The following PNPLA8 variants were observed in gnomAD, a reference collection of about 807,000 sequenced individuals.
The protein encoded by PNPLA8 is calcium-independent phospholipase A2-gamma.
A neutral mutation model predicts 76.9 loss-of-function variants in PNPLA8; 39 were observed. The observed-to-expected ratio is 0.51, with a 90% CI of 0.39 to 0.66. The LOEUF (loss-of-function observed/expected upper bound fraction) is 0.66, where lower values mean the gene tolerates loss of function less well. Among genes scored for constraint, PNPLA8 ranks in the 30% least tolerant of loss-of-function variants. PNPLA8 has a pLI of 0.00. For missense variants in PNPLA8, 887 were observed against 918.0 expected (o/e 0.97, Z 0.44); for synonymous variants, 301 against 307.9 (o/e 0.98, Z 0.24).
chr7:108,476,259 C>A (rs186548996), intron 10 of PNPLA8, among the ~76,000 whole-genome samples: 35 of 152,288 alleles, frequency 2.3e-4, no homozygotes, highest in African/African-American at 7.5e-4. Flanking sequence ...TGCAGGTACA[C>A]TGAGGCAACA....
chr7:108,490,065 G>A (rs546782944), intron 8 of PNPLA8, among the ~76,000 whole-genome samples: 2 of 152,302 alleles, frequency 1.3e-5, no homozygotes, highest in African/African-American at 4.8e-5. Context: ...CTTCTATGCT[G>A]TATTTTTCAC....
At chr7:108,496,035 A>C (rs576034751) in intron 7 of PNPLA8, among the ~76,000 whole-genome samples, 3 of 152,178 alleles carry the variant, frequency 2.0e-5, no homozygotes, top group Non-Finnish European at 4.4e-5. Flanking sequence ...ACTTGAGGTT[A>C]GGAGCCTGAG....
intron 4 of PNPLA8, chr7:108,510,190 A>G (rs1231434318): frequency 7.6e-6 from 7 of 918,722 alleles, no homozygotes; most frequent in South Asian, 1.7e-5. Context: ...AAAAAAAAAA[A>G]AAGAAAGAAA....
intron 4 of PNPLA8, among the ~76,000 whole-genome samples, chr7:108,513,810 C>CT (rs1863105121): frequency 6.6e-6 from 1 of 152,104 alleles, no homozygotes; most frequent in African/African-American, 2.4e-5. Context: ...ATTATGTCTC[C>CT]TATCTTAAAA....
At chr7:108,521,819 A>T (rs1863755593) in intron 1 of PNPLA8, among the ~76,000 whole-genome samples, 2 of 152,220 alleles carry the variant, frequency 1.3e-5, no homozygotes, top group South Asian at 4.1e-4. Context: ...AATGATAAAG[A>T]TGAACCAAAC....
intron 10 of PNPLA8, among the ~76,000 whole-genome samples, chr7:108,477,785 G>A (rs945835019): frequency 1.3e-5 from 2 of 152,110 alleles, no homozygotes; most frequent in South Asian, 2.1e-4. Context: ...GACTGGTTGA[G>A]CCCAGGAGTT....
chr7:108,496,815 T>C, intron 6 of PNPLA8, 60 bp from the exon 7 acceptor site: 4 of 1,282,838 alleles, frequency 3.1e-6, no homozygotes, highest in Non-Finnish European at 1.1e-6. Context: ...TGATGTAAGA[T>C]TTCCTGAATC....
intron 2 of PNPLA8, among the ~76,000 whole-genome samples, chr7:108,517,517 G>C (rs1227343515): frequency 1.3e-5 from 2 of 152,194 alleles, no homozygotes; most frequent in African/African-American, 4.8e-5. Context: ...ATTTTAGTAA[G>C]TGAATGGATA....
At chr7:108,485,392 C>T (rs1860676066) in intron 9 of PNPLA8, among the ~76,000 whole-genome samples, 1 of 152,008 alleles carries the variant, frequency 6.6e-6, no homozygotes, top group Non-Finnish European at 1.5e-5. Flanking sequence ...AATGAATCTC[C>T]CCATTCACCT....
chr7:108,477,055 G>A (rs967114713), intron 10 of PNPLA8, among the ~76,000 whole-genome samples: 4 of 152,200 alleles, frequency 2.6e-5, no homozygotes, highest in East Asian at 3.8e-4. Flanking sequence ...GAGATCTGAC[G>A]TACAGCATGG....
intron 1 of PNPLA8, 103 bp downstream of exon 1, chr7:108,525,926 T>C (rs3750104): frequency 2.5e-6 from 1 of 399,932 alleles, no homozygotes; most frequent in Non-Finnish European, 3.4e-6. Context: ...GCTCGGGAAG[T>C]GCCCTCCAAA....
intron 8 of PNPLA8, among the ~76,000 whole-genome samples, chr7:108,490,174 T>C (rs1861040926): frequency 6.8e-6 from 1 of 147,690 alleles, no homozygotes. Flanking sequence ...GTATTCAGTA[T>C]AGTCACCTGC....
intron 7 of PNPLA8, 91 bp downstream of exon 7, chr7:108,496,493 G>T: frequency 1.4e-6 from 1 of 721,866 alleles, no homozygotes; most frequent in Non-Finnish European, 2.1e-6. Context: ...TAATATGCAA[G>T]AATATAATTT....
Position 108,517,165 on chromosome 7 carries a change from A to G in PNPLA8, c.-83-1591T>C, listed in dbSNP as rs118023000. On this transcript the variant is annotated intron_variant, in intron 2 of 10. Coordinates refer to ENST00000257694, the MANE Select transcript of PNPLA8 (RefSeq NM_001256007.3). ...ATAAACATATAAGAAGTTGTACCACATCATATGTCATCAGGAAAATGCAAA... is the reference window on the plus strand; with the variant it reads ...ATAAACATATAAGAAGTTGTACCACGTCATATGTCATCAGGAAAATGCAAA... 9.3e-3 allele frequency among the ~76,000 whole-genome samples: 1,422 copies of G among 152,354 alleles called. 9 individuals carry two copies. The highest frequency in any genetic ancestry group is 0.016 in the Non-Finnish European group (1,059 of 68,034).
In PNPLA8 at chr7:108,526,063, G is replaced by C. The variant is rs967923224; in HGVS notation, c.-164C>G. 43 of 985,556 alleles carry C rather than the reference G, an allele frequency of 4.4e-5. No homozygotes were observed. Among genetic ancestry groups the C allele is most frequent in the Non-Finnish European group, 5.1e-5 (42 of 830,060 alleles). 61.1% of individuals were successfully genotyped at this position (985,556 alleles called of 1,614,324 possible). A position where few individuals can be genotyped will look rare whatever the true frequency, so the allele number is the denominator to read the frequency against. On this transcript the variant is annotated 5_prime_UTR_variant, in exon 1 of 11. Transcript: ENST00000257694. ...GGCCGCAGTCACTAGGGCTGCAGCG[G>C]CGACTCGCTCGTTCCCGGCAATGAC... is the stretch of plus-strand genomic sequence containing the variant.
intron 4 of PNPLA8, among the ~76,000 whole-genome samples, chr7:108,509,265 G>C (rs1004445761): frequency 1.4e-5 from 1 of 71,914 alleles, no homozygotes; most frequent in Middle Eastern, 4.9e-3. Flanking sequence ...GAAAATTTTC[G>C]CAACCTACTC....
At chr7:108,497,625 A>C (rs769286639) in intron 5 of PNPLA8, 48 bp from the exon 6 acceptor site, 1 of 1,117,368 alleles carries the variant, frequency 8.9e-7, no homozygotes, top group Non-Finnish European at 1.3e-6. Flanking sequence ...TTAAAGAAAA[A>C]ATAATTTAAG....
At chr7:108,490,051 C>T (rs918033132) in intron 8 of PNPLA8, among the ~76,000 whole-genome samples, 3 of 152,152 alleles carry the variant, frequency 2.0e-5, no homozygotes, top group East Asian at 1.9e-4. Context: ...AGACTATAAA[C>T]GGGCTTCTAT....
chr7:108,515,346 C>A lies in PNPLA8; in HGVS notation c.146G>T (p.Gly49Val). 6.2e-7 allele frequency: 1 copy of A among 1,613,618 alleles called. No homozygotes were observed. The highest frequency in any genetic ancestry group is 8.5e-7 in the Non-Finnish European group (1 of 1,179,776). ...WRISHISLQR[G>V]FHTNIIRCKW... The stretch of plus-strand genomic sequence containing the variant: ...ACATCTTATTATGTTTGTATGAAAA[C>A]CTCTTTGTAGACTGATGTGGCTTAT... The change falls in exon 3 of 11, where the codon GGT (glycine) becomes GTT (valine). Residue 49 changes from glycine (G) to valine (V), a missense_variant. By Grantham distance (109) the Gly-to-Val change is moderately radical. Coordinates refer to ENST00000257694, the MANE Select transcript of PNPLA8 (RefSeq NM_001256007.3).
Sources: gnomAD v4.1 joint callset for allele counts (sites outside exome capture counted in the v4.1 genomes callset) on GRCh38, gnomAD v4.1.1 for gene constraint, MANE v1.5 for transcripts, NCBI Gene and HGNC (gene_info 2026-07-23, HGNC 2026-07-21) for gene names.